IGF1R: variants seen among roughly 807,000 people sequenced by gnomAD.
IGF1R encodes insulin-like growth factor 1 receptor.
In IGF1R, 44 loss-of-function variants were observed where a neutral mutation model predicts 144.6. That is an observed-to-expected ratio of 0.30 (90% CI 0.24 to 0.39). IGF1R has a LOEUF of 0.39. Ranked by LOEUF, IGF1R falls within the 10% of genes least tolerant of loss-of-function variation. IGF1R has a pLI of 1.00. For missense variants in IGF1R, 1,355 were observed against 1,833.7 expected, an observed-to-expected ratio of 0.74 and a Z score of 4.77; for synonymous variants, 795 against 722.8, an observed-to-expected ratio of 1.10 and a Z score of -1.60.
chr15:98,934,730 A>T, intron 15 of IGF1R, 94 bp from the exon 16 acceptor site: 1 of 1,020,354 alleles, frequency 9.8e-7, no homozygotes, highest in Non-Finnish European at 1.5e-6. Context: ...TTAAGGAAGC[A>T]GCATCTTATA....
intron 2 of IGF1R, among the ~76,000 whole-genome samples, chr15:98,773,212 G>T (rs1280019042): frequency 6.6e-6 from 1 of 152,142 alleles, no homozygotes; most frequent in Admixed American, 6.5e-5. Context: ...CCCCCGTGCT[G>T]CATGTACAGT....
intron 5 of IGF1R, among the ~76,000 whole-genome samples, chr15:98,901,145 C>G (rs2014461609): frequency 6.6e-6 from 1 of 152,196 alleles, no homozygotes; most frequent in Non-Finnish European, 1.5e-5. Context: ...CCTGAAGCAT[C>G]AGCAAAATCT....
At chr15:98,655,370 C>T (rs542016062) in intron 1 of IGF1R, among the ~76,000 whole-genome samples, 1 of 152,230 alleles carries the variant, frequency 6.6e-6, no homozygotes, top group East Asian at 1.9e-4. Context: ...GTTTGAAAGT[C>T]CCAGATACCA....
At position 98,736,638 on chromosome 15, in the gene IGF1R, G is replaced by C. The variant is rs1293823216; in HGVS notation, c.640+28531G>C. ...TTTTCTTTTTTTTTTTTGAGACAGA[G>C]TTTCACTTTATTGTCCAGGCTGGAG... On this transcript the variant is annotated intron_variant, in intron 2 of 20. Coordinates refer to ENST00000650285, the MANE Select transcript of IGF1R (RefSeq NM_000875.5). Among the ~76,000 whole-genome samples the C allele has an allele frequency of 2.8e-5, 4 of 144,990 alleles. No homozygotes were observed. In the Admixed American group the frequency reaches 2.8e-4, roughly 10 times the overall value.
At chr15:98,948,759 C>T in intron 20 of IGF1R, 51 bp downstream of exon 20, 1 of 1,599,820 alleles carries the variant, frequency 6.3e-7, no homozygotes, top group African/African-American at 1.3e-5. Context: ...TTCTCAAATA[C>T]CTGTTTTCTT....
chr15:98,710,668 CTTTTTTTTT>C lies in IGF1R; in HGVS notation c.640+2568_640+2576del, dbSNP rs34054503. ...TTCACCTGCCTGTTTCCTTTTTATT[CTTTTTTTTT>C]TTTTTTGAGGCGGAGTTTCGCTCTC... On this transcript the variant is annotated intron_variant, in intron 2 of 20. Coordinates refer to ENST00000650285, the MANE Select transcript of IGF1R (RefSeq NM_000875.5). Among the ~76,000 whole-genome samples, 174 of 140,132 alleles carry C rather than the reference CTTTTTTTTT, an allele frequency of 1.2e-3. No homozygotes were observed. The East Asian group carries it at 0.018, about 15-fold the overall frequency. The allele number at this position is 140,132 out of a possible 152,430, so 91.9% of individuals were successfully genotyped here. A position where few individuals can be genotyped will look rare whatever the true frequency, so the allele number is the denominator to read the frequency against.
chr15:98,868,368 T>TG (rs2012578053), intron 2 of IGF1R, among the ~76,000 whole-genome samples: 1 of 90,518 alleles, frequency 1.1e-5, no homozygotes, highest in Non-Finnish European at 2.5e-5. Context: ...GGTTTTTTTT[T>TG]TTGGGGGGGG....
At chr15:98,780,090 AT>A (rs575981766) in intron 2 of IGF1R, among the ~76,000 whole-genome samples, 2,152 of 145,928 alleles carry the variant, frequency 0.015, 25 homozygotes, top group African/African-American at 0.028. Context: ...CCAGGTGGCT[AT>A]TTTTTTTTTT....
At chr15:98,669,182 G>A (rs1203272447) in intron 1 of IGF1R, among the ~76,000 whole-genome samples, 2 of 152,154 alleles carry the variant, frequency 1.3e-5, no homozygotes, top group Non-Finnish European at 2.9e-5. Flanking sequence ...GCTCGGCTCC[G>A]TGCGTGTGCG....
At position 98,936,558 on chromosome 15, in the gene IGF1R, G is replaced by T. The variant is rs564994994; in HGVS notation, c.3297+1132G>T. Among the ~76,000 whole-genome samples, 21 of 151,812 alleles carry T rather than the reference G, an allele frequency of 1.4e-4. 1 individual carries two copies. The South Asian group carries it at 4.2e-3, about 30-fold the overall frequency. ...TCTGCTTTTATTCCTTAGAAGCAGTGACTTCCCCTTCTCGGCCCCTTTGGA... is the reference window on the plus strand; with the variant it reads ...TCTGCTTTTATTCCTTAGAAGCAGTTACTTCCCCTTCTCGGCCCCTTTGGA... On this transcript the variant is annotated intron_variant, in intron 17 of 20. Transcript: ENST00000650285.
At chr15:98,894,523 A>G (rs1027339006) in intron 3 of IGF1R, among the ~76,000 whole-genome samples, 14 of 152,224 alleles carry the variant, frequency 9.2e-5, no homozygotes, top group Admixed American at 5.2e-4. Flanking sequence ...CACTACTTGG[A>G]TGGATCTCAA....
chr15:98,668,440 C>G (rs2052799013), intron 1 of IGF1R, among the ~76,000 whole-genome samples: 1 of 152,200 alleles, frequency 6.6e-6, no homozygotes, highest in African/African-American at 2.4e-5. Context: ...ACATGGAATC[C>G]AGTACTTGAA....
At chr15:98,867,154 G>GGAGAGAGAGAGAGAGAGAGAGAGA (rs60863950) in intron 2 of IGF1R, among the ~76,000 whole-genome samples, 1 of 146,142 alleles carries the variant, frequency 6.8e-6, no homozygotes, top group African/African-American at 2.5e-5. Context: ...AGAGAAAGGG[G>GGAGAGAGAGAGAGAGAGAGAGAGA]GAGAGAGAGA....
At chr15:98,768,724 C>G (rs1180854384) in intron 2 of IGF1R, among the ~76,000 whole-genome samples, 1 of 133,092 alleles carries the variant, frequency 7.5e-6, no homozygotes, top group Non-Finnish European at 1.5e-5. Flanking sequence ...TCGAGACCAT[C>G]CTGGCTAACA....
rs2052269356 is a variant in IGF1R at position 98,649,043 on chromosome 15, A to C, written c.-539A>C. 1 of 223,252 alleles carries C rather than the reference A, an allele frequency of 4.5e-6. No individual in the cohort carries two copies. The highest frequency in any genetic ancestry group is 1.7e-4 in the South Asian group (1 of 5,996). The allele number at this position is 223,252 out of a possible 1,614,324, so 13.8% of individuals were successfully genotyped here. ...GGCGAGCGGAGCCAGGAGGAGGAGG[A>C]GGAGGGGGAGCCGCTCATTCATTTT... On this transcript the variant is annotated 5_prime_UTR_variant, in exon 1 of 21. Coordinates refer to ENST00000650285, the MANE Select transcript of IGF1R (RefSeq NM_000875.5).
intron 2 of IGF1R, among the ~76,000 whole-genome samples, chr15:98,746,292 C>G (rs1028402663): frequency 6.6e-6 from 1 of 152,176 alleles, no homozygotes; most frequent in Non-Finnish European, 1.5e-5. Context: ...CAGTGTACAT[C>G]TTTGTATCAT....
At chr15:98,941,324 A>G (rs950319984) in intron 18 of IGF1R, among the ~76,000 whole-genome samples, 1 of 152,066 alleles carries the variant, frequency 6.6e-6, no homozygotes, top group East Asian at 1.9e-4. Flanking sequence ...CATGGGGGGA[A>G]CTCAGTTTCT....
intron 2 of IGF1R, among the ~76,000 whole-genome samples, chr15:98,765,200 T>G (rs891899272): frequency 1.3e-5 from 2 of 152,188 alleles, no homozygotes; most frequent in African/African-American, 4.8e-5. Flanking sequence ...CCAGAAGATT[T>G]GCTTTTCATT....
intron 2 of IGF1R, among the ~76,000 whole-genome samples, chr15:98,735,774 C>G (rs192913982): frequency 2.0e-5 from 3 of 152,210 alleles, no homozygotes; most frequent in Non-Finnish European, 4.4e-5. Context: ...ATTTATTTCT[C>G]TTAGTGATAC....
Sources: allele counts gnomAD v4.1 joint callset (sites outside exome capture counted in the v4.1 genomes callset), GRCh38; gene constraint gnomAD v4.1.1; transcripts MANE v1.5; gene names NCBI Gene and HGNC (gene_info 2026-07-23, HGNC 2026-07-21).